The following UBE2C variants were observed in gnomAD, a reference collection of about 807,000 sequenced individuals.
UBE2C encodes the protein ubiquitin-conjugating enzyme E2 C.
In UBE2C, 16 loss-of-function variants were observed where a neutral mutation model predicts 23.5. The observed-to-expected ratio is 0.68, with a 90% CI of 0.46 to 1.03. UBE2C has a LOEUF of 1.03. Among genes scored for constraint, UBE2C ranks in the 50% least tolerant of loss-of-function variants. The probability of loss-of-function intolerance (pLI) is 0.00; values close to 1 mark genes in which losing one functional copy is unlikely to be tolerated. For synonymous variants in UBE2C, 76 were observed against 91.6 expected (o/e 0.83, Z 0.97); for missense variants, 192 against 227.6 (o/e 0.84, Z 1.01).
chr20:45,814,144 C>CTG (rs1395322858), intron 2 of UBE2C, among the ~76,000 whole-genome samples: 1 of 144,128 alleles, frequency 6.9e-6, no homozygotes, highest in African/African-American at 2.8e-5. Context: ...CTCTCTCTCT[C>CTG]TCTATATATA....
intron 1 of UBE2C, 25 bp downstream of exon 1, chr20:45,812,821 C>T (rs1345316446): frequency 1.3e-6 from 2 of 1,545,722 alleles, no homozygotes; most frequent in Non-Finnish European, 1.7e-6. Context: ...CTACCACTCG[C>T]CGGGCCTGCC....
Position 45,815,637 on chromosome 20 carries a change from C to A in UBE2C, c.313C>A (p.Pro105Thr). The change falls in exon 4 of 6, where the codon CCC becomes ACC. Residue 105 changes from proline to threonine, a missense_variant. Coordinates refer to ENST00000356455, the MANE Select transcript of UBE2C (RefSeq NM_007019.4). ...TVKFLTPCYH[P>T]NVDTQGNICL... ...GAAGTTCCTCACGCCCTGCTATCAC[C>A]CCAACGTGGACACCCAGGGTAACAT... 1 of 1,613,974 alleles carries A rather than the reference C, an allele frequency of 6.2e-7. No individual in the cohort carries two copies. The highest frequency in any genetic ancestry group is 8.5e-7 in the Non-Finnish European group (1 of 1,179,912).
intron 5 of UBE2C, 39 bp downstream of exon 5, chr20:45,815,952 C>G (rs753360804): frequency 2.5e-6 from 4 of 1,607,630 alleles, no homozygotes; most frequent in Admixed American, 3.4e-5. Context: ...GATCCCTCCC[C>G]CAACCTTCAA....
intron 2 of UBE2C, 107 bp from the exon 3 acceptor site, chr20:45,814,271 CATATAT>C (rs3080107): frequency 0.012 from 4,565 of 390,950 alleles, 156 homozygotes; most frequent in Admixed American, 0.069. Flanking sequence ...TGTATGTGAG[CATATAT>C]ATATATATAT....
intron 1 of UBE2C, chr20:45,813,006 G>T: frequency 1.4e-6 from 2 of 1,429,074 alleles, no homozygotes; most frequent in Non-Finnish European, 1.8e-6. Context: ...TCCTTGCGCG[G>T]GTGAGATTCG....
chr20:45,814,271 CATATATATATATATAT>C (rs3080107), intron 2 of UBE2C, 97 bp from the exon 3 acceptor site: 177 of 389,638 alleles, frequency 4.5e-4, no homozygotes, highest in Middle Eastern at 8.9e-4. Flanking sequence ...TGTATGTGAG[CATATATATATATATAT>C]ATATATATAT....
chr20:45,812,801 G>A lies in UBE2C; in HGVS notation c.101+5G>A, dbSNP rs1191176221. 1.9e-6 allele frequency: 3 copies of A among 1,554,302 alleles called. No individual in the cohort carries two copies. The Admixed American group carries it at 5.8e-5, about 30-fold the overall frequency. On this transcript the variant is annotated splice_donor_5th_base_variant and intron_variant, in intron 1 of 5. Transcript: ENST00000356455. ...CCGGGGTCCGGTGGGCAAAAGGTGA[G>A]TGATGCGGCCTACCACTCGCCGGGC...
chr20:45,814,271 CATATATATATAT>C (rs3080107), intron 2 of UBE2C, 101 bp from the exon 3 acceptor site: 227,506 of 390,880 alleles, frequency 0.58, 63,464 homozygotes, highest in Non-Finnish European at 0.66. Context: ...TGTATGTGAG[CATATATATATAT>C]ATATATATAT....
In UBE2C at chr20:45,815,900, GAAAA is replaced by G. The variant is rs1244948115; in HGVS notation, c.470_473del (p.Lys157ThrfsTer39). ...TGAACACACATGCTGCCGAGCTCTG[GAAAA>G]ACCCCACAGGTGAGTCCTCAGTCCT... On this transcript the variant is annotated frameshift_variant, in exon 5 of 6. Coordinates refer to ENST00000356455, the MANE Select transcript of UBE2C (RefSeq NM_007019.4). LOFTEE classifies it high-confidence loss of function. 1.2e-6 allele frequency: 2 copies of G among 1,613,818 alleles called. No individual in the cohort carries two copies. Among genetic ancestry groups the G allele is most frequent in the East Asian group, 4.5e-5 (2 of 44,874 alleles).
intron 2 of UBE2C, among the ~76,000 whole-genome samples, 132 bp from the exon 3 acceptor site, chr20:45,814,228 ATGTGTGTGTGTATACATATATATG>A (rs957685765): frequency 3.3e-5 from 4 of 119,452 alleles, no homozygotes; most frequent in Non-Finnish European, 5.7e-5. Flanking sequence ...ACACATATAT[ATGTGTGTGTGTATACATATATATG>A]TGTGTGTGTG....
intron 3 of UBE2C, 167 bp from the exon 4 acceptor site, chr20:45,815,374 A>G: frequency 6.3e-7 from 1 of 1,577,608 alleles, no homozygotes; most frequent in Non-Finnish European, 8.6e-7. Flanking sequence ...CTAAACTAAA[A>G]AAACTTTTTA....
chr20:45,815,971 T>C, intron 5 of UBE2C, 58 bp downstream of exon 5: 2 of 1,586,886 alleles, frequency 1.3e-6, no homozygotes, highest in Non-Finnish European at 1.7e-6. Context: ...AAAGGCTCCC[T>C]CAAACAAAAG....
chr20:45,814,515 G>A (rs1483172800), intron 3 of UBE2C, 45 bp downstream of exon 3: 3 of 1,523,064 alleles, frequency 2.0e-6, no homozygotes, highest in South Asian at 1.2e-5. Context: ...GGGAAAGGTG[G>A]GAAGTGAGAT....
intron 2 of UBE2C, among the ~76,000 whole-genome samples, chr20:45,813,822 GGCTGGGC>G (rs1483426996): frequency 6.6e-6 from 1 of 152,120 alleles, no homozygotes; most frequent in Admixed American, 6.6e-5. Context: ...ATTAAGGGGA[GGCTGGGC>G]GCGGTAGCTC....
Position 45,815,923 on chromosome 20 carries a change from C to T in UBE2C, c.481+10C>T, listed in dbSNP as rs889554495. 9 of 1,613,990 alleles carry T rather than the reference C, an allele frequency of 5.6e-6. No individual in the cohort carries two copies. The highest frequency in any genetic ancestry group is 7.6e-6 in the Non-Finnish European group (9 of 1,179,962). ...TGGAAAAACCCCACAGGTGAGTCCT[C>T]AGTCCTTGAGCCCAGGGTGATCCCT... On this transcript the variant is annotated intron_variant, in intron 5 of 5. Transcript: ENST00000356455.
At chr20:45,814,340 C>T (rs1246792359) in intron 2 of UBE2C, 44 bp from the exon 3 acceptor site, 1 of 1,513,832 alleles carries the variant, frequency 6.6e-7, no homozygotes, top group Admixed American at 1.7e-5. Flanking sequence ...TTTGCTATGC[C>T]CAAAAGTGTA....
In UBE2C at chr20:45,816,771, A is replaced by C. The variant is rs1982606898; in HGVS notation, c.*4A>C. The C allele has an allele frequency of 5.0e-6, 8 of 1,612,978 alleles. No individual in the cohort carries two copies. The highest frequency in any genetic ancestry group is 6.8e-6 in the Non-Finnish European group (8 of 1,179,448). ...GGTCACCAGCCAGGAGCCCTGACCCAGGCTGCCCAGCCTGTCCTTGTGTCG... is the reference window on the plus strand; with the variant it reads ...GGTCACCAGCCAGGAGCCCTGACCCCGGCTGCCCAGCCTGTCCTTGTGTCG... On this transcript the variant is annotated 3_prime_UTR_variant, in exon 6 of 6. Coordinates refer to ENST00000356455, the MANE Select transcript of UBE2C (RefSeq NM_007019.4).
chr20:45,815,823 G>A (rs753741917), intron 4 of UBE2C, 31 bp from the exon 5 acceptor site: 49 of 1,613,866 alleles, frequency 3.0e-5, no homozygotes, highest in East Asian at 6.7e-5. Context: ...CTCTTCTACC[G>A]CCTTGACCTT....
chr20:45,816,847 G>T lies in UBE2C; in HGVS notation c.*80G>T. The T allele has an allele frequency of 8.0e-7, 1 of 1,251,028 alleles. No homozygotes were observed. The highest frequency in any genetic ancestry group is 1.3e-5 in the South Asian group (1 of 74,394). The allele number at this position is 1,251,028 out of a possible 1,614,324, so 77.5% of individuals were successfully genotyped here. On this transcript the variant is annotated 3_prime_UTR_variant, in exon 6 of 6. Coordinates refer to ENST00000356455, the MANE Select transcript of UBE2C (RefSeq NM_007019.4). ...CTGTCCTTTTTGTGATTTCTGTATA[G>T]GACTCTTTATCTTGAGCTGTGGTAT... is the stretch of plus-strand genomic sequence containing the variant.
Sources: gnomAD v4.1 joint callset for allele counts (sites outside exome capture counted in the v4.1 genomes callset) on GRCh38, gnomAD v4.1.1 for gene constraint, MANE v1.5 for transcripts, NCBI Gene and HGNC (gene_info 2026-07-23, HGNC 2026-07-21) for gene names.